The following KHDRBS2 variants were observed in gnomAD, a reference collection of about 807,000 sequenced individuals.
The protein encoded by KHDRBS2 is KH domain-containing, RNA-binding, signal transduction-associated protein 2.
KHDRBS2 carries 26 observed loss-of-function variants against 44.3 expected under a neutral mutation model. The observed-to-expected ratio is 0.59, with a 90% confidence interval of 0.43 to 0.81. KHDRBS2 has a LOEUF of 0.81. Among genes scored for constraint, KHDRBS2 ranks in the 40% least tolerant of loss-of-function variants. The pLI is 0.00. For missense variants in KHDRBS2, 476 were observed against 433.1 expected (o/e 1.10, Z -0.88); for synonymous variants, 194 against 151.1 (o/e 1.28, Z -2.08).
rs1420761306 is a variant in KHDRBS2 at position 61,945,102 on chromosome 6, AAAAAAAAAAAGTATAT to A, written c.483+32948_483+32963del. ...TGAGACTCTGTCTTAAAAAAAAAAAAAAAAAAAAAAGTATATATATATATATATATATATATATATA... is the reference window on the plus strand; with the variant it reads ...TGAGACTCTGTCTTAAAAAAAAAAAAATATATATATATATATATATATATA... On this transcript the variant is annotated intron_variant, in intron 4 of 8. Transcript: ENST00000281156. 1.5e-4 allele frequency among the ~76,000 whole-genome samples: 11 copies of A among 71,604 alleles called. 2 individuals are homozygous for A. Among genetic ancestry groups the A allele is most frequent in the African/African-American group, 6.9e-4 (11 of 15,830 alleles). The allele number at this position is 71,604 out of a possible 152,430, so 47.0% of individuals were successfully genotyped here. A position where few individuals can be genotyped will look rare whatever the true frequency, so the allele number is the denominator to read the frequency against.
chr6:61,601,351 C>T, the KHDRBS2 span, among the ~76,000 whole-genome samples: 1 of 152,092 alleles, frequency 6.6e-6, no homozygotes, highest in African/African-American at 2.4e-5. Context: ...CCTCCTTCTT[C>T]TCCCTTAGCC....
the KHDRBS2 span, among the ~76,000 whole-genome samples, chr6:61,566,511 A>T: frequency 1.3e-5 from 2 of 152,166 alleles, no homozygotes; most frequent in African/African-American, 4.8e-5. Context: ...CCCCATAAAC[A>T]TTTATAATTA....
rs188204111 is a variant in KHDRBS2, at chr6:61,963,989, G to T, written c.483+14077C>A. ...TAAGATTCTCATCTTGTTCCCAAAG[G>T]AATGACCAGTTTTAATTCTGTTTTC... On this transcript the variant is annotated intron_variant, in intron 4 of 8. Coordinates refer to ENST00000281156, the MANE Select transcript of KHDRBS2 (RefSeq NM_152688.4). Among the ~76,000 whole-genome samples the T allele has an allele frequency of 7.2e-4, 109 of 152,014 alleles. 1 individual carries two copies. The highest frequency in any genetic ancestry group is 2.5e-3 in the African/African-American group (103 of 41,500).
At chr6:62,139,041 T>C (rs1222943143) in intron 2 of KHDRBS2, among the ~76,000 whole-genome samples, 1 of 152,122 alleles carries the variant, frequency 6.6e-6, no homozygotes, top group African/African-American at 2.4e-5. Context: ...TGGGTAGTGC[T>C]GAAAACAAAT....
At chr6:61,803,508 TC>T (rs1383084879) in intron 6 of KHDRBS2, among the ~76,000 whole-genome samples, 1 of 152,176 alleles carries the variant, frequency 6.6e-6, no homozygotes, top group Non-Finnish European at 1.5e-5. Context: ...CAGGAATTGT[TC>T]ATGGCATTTT....
chr6:62,196,585 T>C (rs1371922938), intron 1 of KHDRBS2, among the ~76,000 whole-genome samples: 1 of 53,034 alleles, frequency 1.9e-5, no homozygotes, highest in Non-Finnish European at 3.4e-5. Flanking sequence ...GGTCTATCCT[T>C]GGGAAGATGG....
At chr6:62,085,170 A>T (rs1798160428) in intron 2 of KHDRBS2, among the ~76,000 whole-genome samples, 1 of 152,142 alleles carries the variant, frequency 6.6e-6, no homozygotes, top group African/African-American at 2.4e-5. Context: ...GAATATTAGG[A>T]TGCTTAAGAA....
At chr6:61,607,520 C>CAAAAAAAAAAAAAAAAAAAAAAAA in the KHDRBS2 span, among the ~76,000 whole-genome samples, 6 of 41,098 alleles carry the variant, frequency 1.5e-4, 1 homozygote, top group East Asian at 1.5e-3. Context: ...GAGTTCCAAG[C>CAAAAAAAAAAAAAAAAAAAAAAAA]AAAAAAAAAA....
chr6:61,574,087 T>TA, the KHDRBS2 span, among the ~76,000 whole-genome samples: 5 of 152,034 alleles, frequency 3.3e-5, no homozygotes, highest in Admixed American at 6.6e-5. Context: ...AAGCCATATG[T>TA]AAAAAAATGA....
chr6:61,722,441 A>G (rs1194950877), intron 7 of KHDRBS2, among the ~76,000 whole-genome samples: 1 of 152,100 alleles, frequency 6.6e-6, no homozygotes, highest in Non-Finnish European at 1.5e-5. Flanking sequence ...TAGAATCTCT[A>G]CTGAGGATGA....
At chr6:61,669,716 A>T in the KHDRBS2 span, among the ~76,000 whole-genome samples, 2 of 151,030 alleles carry the variant, frequency 1.3e-5, no homozygotes, top group Admixed American at 6.6e-5. Flanking sequence ...ATAGCTCATA[A>T]TTCTATGAGT....
At chr6:61,651,409 C>T in the KHDRBS2 span, among the ~76,000 whole-genome samples, 1 of 151,806 alleles carries the variant, frequency 6.6e-6, no homozygotes, top group East Asian at 1.9e-4. Flanking sequence ...ATTTTATTTT[C>T]CTCTTGGGGA....
At chr6:61,748,472 G>T (rs1483999975) in intron 6 of KHDRBS2, among the ~76,000 whole-genome samples, 1 of 152,142 alleles carries the variant, frequency 6.6e-6, no homozygotes, top group African/African-American at 2.4e-5. Context: ...TATCAATATT[G>T]CAAACTCACC....
At chr6:62,206,325 TCTAA>T (rs1215959760) in intron 1 of KHDRBS2, among the ~76,000 whole-genome samples, 3 of 152,086 alleles carry the variant, frequency 2.0e-5, no homozygotes, top group Non-Finnish European at 2.9e-5. Context: ...AAAGGACATC[TCTAA>T]CTGTGTAGCT....
chr6:62,078,969 C>T (rs1410777175), intron 2 of KHDRBS2, among the ~76,000 whole-genome samples: 2 of 151,994 alleles, frequency 1.3e-5, no homozygotes, highest in Non-Finnish European at 2.9e-5. Context: ...TAATACCTAA[C>T]TTCTCCAAAG....
intron 6 of KHDRBS2, among the ~76,000 whole-genome samples, chr6:61,830,656 C>T (rs550990529): frequency 6.1e-4 from 93 of 152,264 alleles, no homozygotes; most frequent in Middle Eastern, 3.4e-3. Context: ...TCTGCTTTAA[C>T]TTGGCACTTG....
intron 7 of KHDRBS2, among the ~76,000 whole-genome samples, chr6:61,707,010 A>G (rs1162282045): frequency 1.3e-5 from 2 of 152,008 alleles, no homozygotes; most frequent in South Asian, 4.1e-4. Context: ...AAGGGGGAAC[A>G]TTAAGTTTTG....
At chr6:61,745,407 T>C (rs1776720513) in intron 6 of KHDRBS2, among the ~76,000 whole-genome samples, 1 of 152,182 alleles carries the variant, frequency 6.6e-6, no homozygotes, top group Non-Finnish European at 1.5e-5. Context: ...CTATGACTAA[T>C]GAAACTGGAG....
chr6:62,220,771 C>T (rs1184932168), intron 1 of KHDRBS2, among the ~76,000 whole-genome samples: 1 of 151,564 alleles, frequency 6.6e-6, no homozygotes, highest in Non-Finnish European at 1.5e-5. Context: ...AATATGGTAA[C>T]ATCAAACAAG....
Sources: allele counts gnomAD v4.1 joint callset (sites outside exome capture counted in the v4.1 genomes callset), GRCh38; gene constraint gnomAD v4.1.1; transcripts MANE v1.5; gene names NCBI Gene and HGNC (gene_info 2026-07-23, HGNC 2026-07-21).